The following CHD7 variants were observed in gnomAD, a reference collection of about 807,000 sequenced individuals.
CHD7 encodes the protein ATP-dependent chromatin remodeler CHD7.
CHD7 carries 24 observed loss-of-function variants against 307.3 expected under a neutral mutation model. The ratio of observed to expected loss-of-function variants is 0.08; its 90% CI spans 0.06 to 0.11. CHD7 has a LOEUF of 0.11. Among genes scored for constraint, CHD7 ranks in the 10% least tolerant of loss-of-function variants. The pLI is 1.00. For missense variants in CHD7, 3,106 were observed against 3,727.1 expected (o/e 0.83, Z 4.34); for synonymous variants, 1,363 against 1,349.9 (o/e 1.01, Z -0.21).
intron 7 of CHD7, among the ~76,000 whole-genome samples, chr8:60,816,115 C>CTG (rs1554596106): frequency 0.23 from 11,141 of 49,408 alleles, 380 homozygotes; most frequent in South Asian, 0.36. Flanking sequence ...GTCTGTCTGT[C>CTG]TCTCTCTCTC....
At chr8:60,695,479 A>C (rs1041339567) in intron 1 of CHD7, among the ~76,000 whole-genome samples, 2 of 152,218 alleles carry the variant, frequency 1.3e-5, no homozygotes, top group East Asian at 3.8e-4. Context: ...ACAGAAATGC[A>C]GGTACTAGAA....
chr8:60,700,993 G>A (rs1390863803), intron 1 of CHD7, among the ~76,000 whole-genome samples: 1 of 152,222 alleles, frequency 6.6e-6, no homozygotes, highest in African/African-American at 2.4e-5. Flanking sequence ...GCTGAGTGAG[G>A]TTGTGATAAC....
intron 7 of CHD7, among the ~76,000 whole-genome samples, chr8:60,816,113 G>GTCTGTCTGTCTGTCTGTCTC (rs58405811): frequency 4.3e-5 from 6 of 139,318 alleles, no homozygotes; most frequent in African/African-American, 1.7e-4. Flanking sequence ...CTGTCTGTCT[G>GTCTGTCTGTCTGTCTGTCTC]TCTCTCTCTC....
intron 1 of CHD7, among the ~76,000 whole-genome samples, chr8:60,729,651 TG>T (rs1175413024): frequency 2.0e-5 from 3 of 152,266 alleles, no homozygotes; most frequent in African/African-American, 7.2e-5. Flanking sequence ...TGCCTGGTTC[TG>T]TTTGTAATCT....
At chr8:60,832,898 G>C (rs766651599) in intron 15 of CHD7, among the ~76,000 whole-genome samples, 3 of 152,154 alleles carry the variant, frequency 2.0e-5, no homozygotes, top group Non-Finnish European at 2.9e-5. Context: ...TGTCCTAATT[G>C]GTCACACCTT....
intron 1 of CHD7, among the ~76,000 whole-genome samples, chr8:60,724,276 A>G (rs1303405718): frequency 6.6e-6 from 1 of 152,232 alleles, no homozygotes; most frequent in African/African-American, 2.4e-5. Context: ...TTACAGCACA[A>G]GAGTTCAGAA....
At chr8:60,702,434 T>C (rs1184966785) in intron 1 of CHD7, among the ~76,000 whole-genome samples, 1 of 152,222 alleles carries the variant, frequency 6.6e-6, no homozygotes, top group East Asian at 1.9e-4. Context: ...GTCTTATAGC[T>C]CTTGTTTTGG....
At chr8:60,787,476 TA>T (rs1811545927) in intron 3 of CHD7, among the ~76,000 whole-genome samples, 1 of 152,268 alleles carries the variant, frequency 6.6e-6, no homozygotes, top group South Asian at 2.1e-4. Flanking sequence ...TTGAAAGGCC[TA>T]TTTTTTATAT....
chr8:60,848,899 A>G (rs554039093), intron 24 of CHD7, among the ~76,000 whole-genome samples, 152 bp from the exon 25 acceptor site: 21 of 152,350 alleles, frequency 1.4e-4, no homozygotes, highest in African/African-American at 4.1e-4. Context: ...GCAGAGGGCT[A>G]CTGACTCATG....
chr8:60,680,432 C>G (rs1805557937), intron 1 of CHD7, among the ~76,000 whole-genome samples: 1 of 107,106 alleles, frequency 9.3e-6, no homozygotes, highest in Admixed American at 8.7e-5. Context: ...GCGGCGGCGG[C>G]TCCCGGGCGG....
intron 2 of CHD7, among the ~76,000 whole-genome samples, chr8:60,749,352 C>T (rs922687851): frequency 2.1e-5 from 2 of 96,224 alleles, no homozygotes; most frequent in African/African-American, 8.3e-5. Context: ...GCCTGGTCAA[C>T]AGAGCAAGAC....
intron 7 of CHD7, among the ~76,000 whole-genome samples, chr8:60,810,490 A>G (rs967766630): frequency 2.0e-5 from 3 of 152,008 alleles, no homozygotes; most frequent in Non-Finnish European, 2.9e-5. Flanking sequence ...AGCAAAAACA[A>G]TGTGTATATA....
intron 21 of CHD7, among the ~76,000 whole-genome samples, chr8:60,844,194 A>G (rs564212850): frequency 4.4e-4 from 67 of 152,346 alleles, no homozygotes; most frequent in Non-Finnish European, 2.9e-5. Flanking sequence ...ATTATAACAC[A>G]AAACAGGCAG....
At chr8:60,709,088 C>T (rs1236109706) in intron 1 of CHD7, among the ~76,000 whole-genome samples, 4 of 152,184 alleles carry the variant, frequency 2.6e-5, no homozygotes, top group South Asian at 2.1e-4. Context: ...TCATTATCTA[C>T]GTTCCTGTTT....
rs139056292 is a variant in CHD7, at chr8:60,772,375, T to G, written c.1666-8625T>G. On this transcript the variant is annotated intron_variant, in intron 2 of 37. Transcript: ENST00000423902. Reference sequence around the variant, plus strand: ...CATAGTAAGTTACTTTTAATATTGATCCTTTTAAGGTAGTAGAAACTTAAA... The same window carrying G: ...CATAGTAAGTTACTTTTAATATTGAGCCTTTTAAGGTAGTAGAAACTTAAA... Among the ~76,000 whole-genome samples, 140 of 152,348 alleles carry G rather than the reference T, an allele frequency of 9.2e-4. 4 individuals carry two copies. Among genetic ancestry groups the G allele is most frequent in the Admixed American group, 8.3e-3 (127 of 15,308 alleles).
At chr8:60,840,922 G>A (rs1272553960) in intron 19 of CHD7, among the ~76,000 whole-genome samples, 1 of 152,096 alleles carries the variant, frequency 6.6e-6, no homozygotes, top group Non-Finnish European at 1.5e-5. Context: ...CTGGCCTAAA[G>A]AATATGTTTC....
chr8:60,697,793 T>C (rs188957836), intron 1 of CHD7, among the ~76,000 whole-genome samples: 119 of 152,360 alleles, frequency 7.8e-4, no homozygotes, highest in Non-Finnish European at 9.8e-4. Context: ...CTCTAATCTT[T>C]AGCAAAAATA....
chr8:60,821,647 T>C, intron 9 of CHD7, 143 bp from the exon 10 acceptor site: 2 of 585,418 alleles, frequency 3.4e-6, no homozygotes, highest in Non-Finnish European at 2.7e-6. Flanking sequence ...TATAAACATA[T>C]ATATACACAT....
chr8:60,840,869 C>T (rs967228637), intron 19 of CHD7, among the ~76,000 whole-genome samples: 5 of 152,134 alleles, frequency 3.3e-5, no homozygotes, highest in African/African-American at 7.2e-5. Context: ...CTACCCACCT[C>T]GGCCTCCCAA....
Sources: gnomAD v4.1 joint callset for allele counts (sites outside exome capture counted in the v4.1 genomes callset) on GRCh38, gnomAD v4.1.1 for gene constraint, MANE v1.5 for transcripts, NCBI Gene and HGNC (gene_info 2026-07-23, HGNC 2026-07-21) for gene names.